Variants in TMEM63B observed in about 807,000 individuals in gnomAD.
TMEM63B encodes the protein mechanosensitive cation channel TMEM63B.
In TMEM63B, 23 loss-of-function variants were observed where a neutral mutation model predicts 102.6. That is an observed-to-expected ratio of 0.22 (90% CI 0.16 to 0.32). The LOEUF (loss-of-function observed/expected upper bound fraction) is 0.32, where lower values mean the gene tolerates loss of function less well. Among genes scored for constraint, TMEM63B ranks in the 10% least tolerant of loss-of-function variants. The pLI is 1.00. For missense variants in TMEM63B, 628 were observed against 1,095.9 expected (o/e 0.57, Z 6.03); for synonymous variants, 444 against 437.0 (o/e 1.02, Z -0.20).
intron 10 of TMEM63B, among the ~76,000 whole-genome samples, chr6:44,143,199 AG>A (rs1211427794): frequency 1.3e-5 from 2 of 152,228 alleles, no homozygotes; most frequent in Non-Finnish European, 2.9e-5. Context: ...TAGAAGATTA[AG>A]GACTGGTGTG....
intron 1 of TMEM63B, chr6:44,132,276 A>G (rs1333279162): frequency 2.0e-6 from 2 of 985,340 alleles, no homozygotes; most frequent in African/African-American, 3.5e-5. Flanking sequence ...GGAGGCGGAC[A>G]GCAGAGGAGC....
Position 44,146,931 on chromosome 6 carries a change from AGGGACTGGG to A in TMEM63B, c.863+7_863+15del. 2 of 1,613,918 alleles carry A rather than the reference AGGGACTGGG, an allele frequency of 1.2e-6. No homozygotes were observed. The highest frequency in any genetic ancestry group is 1.7e-6 in the Non-Finnish European group (2 of 1,179,916). ...TAATGTTCCTCGATGCAGAGAGGTA[AGGGACTGGG>A]GGCAGAGGAGGGTGACACCAAGGGC... On this transcript the variant is annotated splice_donor_5th_base_variant and intron_variant, in intron 11 of 23. Transcript: ENST00000323267.
Position 44,134,613 on chromosome 6 carries a change from G to A in TMEM63B, c.29G>A (p.Gly10Asp). 1 of 1,614,128 alleles carries A rather than the reference G, an allele frequency of 6.2e-7. No homozygotes were observed. Among genetic ancestry groups the A allele is most frequent in the African/African-American group, 1.3e-5 (1 of 75,078 alleles). Residue 10 changes from glycine to aspartate, a missense_variant, in exon 2 of 24, where the codon GGC (glycine) becomes GAC (aspartate). Gly to Asp is a moderately conservative substitution (Grantham distance 94). Transcript: ENST00000323267. The part of the protein sequence containing the change: MLPFLLATL[G>D]TTALNNSNPK... ...CTGCCCTTTCTGCTGGCCACACTGG[G>A]CACCACAGCCCTCAACAACAGCAAC...
chr6:44,145,274 C>CAAAAA (rs34315211), intron 10 of TMEM63B, among the ~76,000 whole-genome samples: 1 of 105,764 alleles, frequency 9.5e-6, no homozygotes, highest in Non-Finnish European at 1.9e-5. Flanking sequence ...GACTCCGCCT[C>CAAAAA]AAAAAAAAAA....
intron 1 of TMEM63B, among the ~76,000 whole-genome samples, chr6:44,130,156 A>C (rs1316566406): frequency 6.6e-6 from 1 of 152,200 alleles, no homozygotes; most frequent in Admixed American, 6.5e-5. Context: ...CCCTGGTGGA[A>C]GTGGCTCTTG....
chr6:44,127,500 G>C, upstream of TMEM63B: 1 of 150,776 alleles, frequency 6.6e-6, no homozygotes, highest in South Asian at 2.1e-4. Context: ...CGTGCGGGGC[G>C]GGACCTGCGG....
chr6:44,154,157 A>G lies in TMEM63B; in HGVS notation c.2195A>G (p.His732Arg). The change falls in exon 22 of 24, where the codon CAC (histidine) becomes CGC (arginine). Residue 732 changes from histidine to arginine, a missense_variant. By Grantham distance (29) the His-to-Arg change is conservative. Around this residue, in one of 6 missense-constraint regions of TMEM63B, gnomAD observed 129 missense variants for 153.5 expected, o/e 0.84. Coordinates refer to ENST00000323267, the MANE Select transcript of TMEM63B (RefSeq NM_018426.3). ...VICLCHVCFG[H>R]FKYLSAHNYK... ...TGTCTCTGCCACGTCTGCTTTGGACACTTCAAATACCTCAGTGCCCACAAC... is the reference window on the plus strand; with the variant it reads ...TGTCTCTGCCACGTCTGCTTTGGACGCTTCAAATACCTCAGTGCCCACAAC... 1 of 1,614,074 alleles carries G rather than the reference A, an allele frequency of 6.2e-7. No individual in the cohort carries two copies. The highest frequency in any genetic ancestry group is 1.1e-5 in the South Asian group (1 of 91,082).
intron 8 of TMEM63B, among the ~76,000 whole-genome samples, chr6:44,140,022 G>A: frequency 6.6e-6 from 1 of 152,166 alleles, no homozygotes; most frequent in East Asian, 1.9e-4. Flanking sequence ...GTAACCAGTG[G>A]GTAGGGCGTA....
At position 44,135,094 on chromosome 6, in the gene TMEM63B, C is replaced by G. The variant is rs1405798737; in HGVS notation, c.237C>G (p.Asp79Glu). 1 of 1,614,232 alleles carries G rather than the reference C, an allele frequency of 6.2e-7. No homozygotes were observed. Residue 79 changes from aspartate (D) to glutamate (E), a missense_variant and splice_region_variant, in exon 3 of 24, where the codon GAC (aspartate) becomes GAG (glutamate). Coordinates refer to ENST00000323267, the MANE Select transcript of TMEM63B (RefSeq NM_018426.3). ...YGRLALVTDA[D>E]RLRRQERDRV... ...GGCTGGCCTTGGTGACAGATGCAGA[C>G]AGGTAAGGGTCTGGGACCCTCCCTC...
intron 10 of TMEM63B, among the ~76,000 whole-genome samples, chr6:44,145,499 C>T (rs535500033): frequency 5.9e-5 from 9 of 151,726 alleles, no homozygotes; most frequent in East Asian, 1.9e-4. Context: ...GGCTGAAGCA[C>T]GAGAATCACT....
chr6:44,154,065 A>C lies in TMEM63B; in HGVS notation c.2111-8A>C. The C allele has an allele frequency of 6.2e-7, 1 of 1,613,838 alleles. No individual in the cohort carries two copies. Among genetic ancestry groups the C allele is most frequent in the Non-Finnish European group, 8.5e-7 (1 of 1,179,728 alleles). ...ATAGCAACCCCATTCTTTGCCCCCC[A>C]ACACCAGGGTTCCTAGCTCCCACGT... On this transcript the variant is annotated splice_region_variant and splice_polypyrimidine_tract_variant and intron_variant, in intron 21 of 23. Transcript: ENST00000323267.
In TMEM63B at chr6:44,150,748, G is replaced by A; in HGVS notation, c.1673+119G>A. The A allele has an allele frequency of 1.6e-5, 17 of 1,095,348 alleles. No individual in the cohort carries two copies. Among genetic ancestry groups the A allele is most frequent in the Non-Finnish European group, 2.2e-5 (16 of 736,586 alleles). 67.9% of individuals were successfully genotyped at this position (1,095,348 alleles called of 1,614,324 possible). On this transcript the variant is annotated intron_variant, in intron 18 of 23. Transcript: ENST00000323267. The surrounding 1 kb of genome is among the most constrained non-coding windows in gnomAD (Gnocchi z 4.7). ...CTTCCAACTCCTGGAGGGGGCAGAA[G>A]AGAGAGGATCTGGCGGGGTTACCCC...
Position 44,154,681 on chromosome 6 carries a change from T to G in TMEM63B, c.2308-11T>G, listed in dbSNP as rs754797630. 4.9e-6 allele frequency: 2 copies of G among 410,898 alleles called. No individual in the cohort carries two copies. The highest frequency in any genetic ancestry group is 6.8e-6 in the Non-Finnish European group (2 of 294,272). The allele number at this position is 410,898 out of a possible 1,614,324, so 25.5% of individuals were successfully genotyped here. On this transcript the variant is annotated splice_polypyrimidine_tract_variant and intron_variant, in intron 23 of 23. Transcript: ENST00000323267. Reference sequence around the variant, plus strand: ...CTGTTCACCTTGCCCCCATTTCCTCTCCTCCTTCAGAAATACATCGCTCAG... The same window carrying G: ...CTGTTCACCTTGCCCCCATTTCCTCGCCTCCTTCAGAAATACATCGCTCAG...
intron 23 of TMEM63B, 112 bp from the exon 24 acceptor site, chr6:44,154,580 C>A: frequency 6.9e-7 from 1 of 1,447,732 alleles, no homozygotes; most frequent in Non-Finnish European, 9.4e-7. Context: ...CCCTGGAGGG[C>A]TGCCCCCGCC....
chr6:44,130,464 G>T (rs1373874536), intron 1 of TMEM63B, among the ~76,000 whole-genome samples: 19 of 148,224 alleles, frequency 1.3e-4, no homozygotes, highest in African/African-American at 4.7e-4. Context: ...TTTTAGACAC[G>T]GTCTCTGTCT....
rs935979718 is a variant in TMEM63B at position 44,155,054 on chromosome 6, G to A, written c.*171G>A. ...CTGCTCTCCCCCATGATGGAGGGAG[G>A]GAGCCCCCCAACCTCAGTGAGGAGA... On this transcript the variant is annotated 3_prime_UTR_variant, in exon 24 of 24. Coordinates refer to ENST00000323267, the MANE Select transcript of TMEM63B (RefSeq NM_018426.3). 6.4e-5 allele frequency: 41 copies of A among 641,830 alleles called. No homozygotes were observed. Among genetic ancestry groups the A allele is most frequent in the African/African-American group, 5.3e-4 (28 of 52,642 alleles). 39.8% of individuals were successfully genotyped at this position (641,830 alleles called of 1,614,324 possible). A position where few individuals can be genotyped will look rare whatever the true frequency, so the allele number is the denominator to read the frequency against.
intron 18 of TMEM63B, among the ~76,000 whole-genome samples, chr6:44,151,544 G>T (rs1051677051): frequency 6.6e-6 from 1 of 152,128 alleles, no homozygotes; most frequent in Non-Finnish European, 1.5e-5. Context: ...TTCTTTGAGG[G>T]TCTCATTGGG....
chr6:44,147,706 C>T (rs890618267), intron 12 of TMEM63B, among the ~76,000 whole-genome samples: 1 of 152,238 alleles, frequency 6.6e-6, no homozygotes, highest in South Asian at 2.1e-4. Flanking sequence ...CAATGTTGTG[C>T]TGTACCCACT....
chr6:44,149,788 G>A, intron 15 of TMEM63B, 71 bp from the exon 16 acceptor site: 1 of 1,241,176 alleles, frequency 8.1e-7, no homozygotes, highest in African/African-American at 1.5e-5. Context: ...AGCTGGGGAG[G>A]AGGCACATAA....
Sources: allele counts gnomAD v4.1 joint callset (sites outside exome capture counted in the v4.1 genomes callset), GRCh38; gene constraint gnomAD v4.1.1; regional missense constraint gnomAD v4.1.1; non-coding constraint Gnocchi (gnomAD v3.1); transcripts MANE v1.5; gene names NCBI Gene and HGNC (gene_info 2026-07-23, HGNC 2026-07-21).